Variants in MUSK observed in about 807,000 individuals in gnomAD.
MUSK encodes muscle, skeletal receptor tyrosine-protein kinase.
Under a neutral mutation model 88.7 loss-of-function variants are expected in MUSK, and 55 were observed. That is an observed-to-expected ratio of 0.62 (90% CI 0.50 to 0.78). The LOEUF (loss-of-function observed/expected upper bound fraction) is 0.78. Ranked by LOEUF, MUSK falls within the 30% of genes least tolerant of loss-of-function variation. The probability of loss-of-function intolerance (pLI) is 0.00; values close to 1 mark genes in which losing one functional copy is unlikely to be tolerated. For missense variants in MUSK, 1,015 were observed against 1,074.3 expected (o/e 0.94, Z 0.77); for synonymous variants, 387 against 391.9 (o/e 0.99, Z 0.15).
At chr9:110,770,446 TATTA>T (rs965566663) in intron 9 of MUSK, among the ~76,000 whole-genome samples, 10 of 146,558 alleles carry the variant, frequency 6.8e-5, no homozygotes, top group African/African-American at 2.5e-4. Context: ...TACAATTATA[TATTA>T]ATTATATAAC....
chr9:110,761,868 C>G (rs2077407134), intron 7 of MUSK: 3 of 983,746 alleles, frequency 3.0e-6, no homozygotes, highest in Non-Finnish European at 3.6e-6. Flanking sequence ...GCCACCGCGC[C>G]CGGCCCACAT....
At chr9:110,688,451 A>C (rs113555292) in intron 3 of MUSK, among the ~76,000 whole-genome samples, 3,496 of 151,960 alleles carry the variant, frequency 0.023, 147 homozygotes, top group African/African-American at 0.08. Context: ...AGGTAGTTTC[A>C]TTTTATTTTT....
intron 1 of MUSK, among the ~76,000 whole-genome samples, chr9:110,676,368 T>TAATATATAATATATAATATATAATATATA (rs2076030499): frequency 6.7e-6 from 1 of 149,934 alleles, no homozygotes; most frequent in Non-Finnish European, 1.5e-5. Context: ...ATATATTATA[T>TAATATATAATATATAATATATAATATATA]ATGTGTGTGT....
intron 1 of MUSK, among the ~76,000 whole-genome samples, chr9:110,676,363 T>TA (rs1564206272): frequency 2.7e-5 from 4 of 148,906 alleles, no homozygotes; most frequent in African/African-American, 1.0e-4. Context: ...ATATTATATA[T>TA]TATATATGTG....
chr9:110,727,863 A>G (rs10121920), intron 5 of MUSK, among the ~76,000 whole-genome samples: 134,289 of 152,126 alleles, frequency 0.88, 59,667 homozygotes, highest in African/African-American at 0.94. Context: ...TGCAGTTGAC[A>G]TATTACTAAC....
At chr9:110,790,215 A>G (rs906502991) in intron 14 of MUSK, among the ~76,000 whole-genome samples, 2 of 152,228 alleles carry the variant, frequency 1.3e-5, no homozygotes, top group Non-Finnish European at 2.9e-5. Context: ...GAATTTGTAA[A>G]CATGGATGTT....
At position 110,763,261 on chromosome 9, in the gene MUSK, G is replaced by A. The variant is rs1214539352; in HGVS notation, c.920+1053G>A. Among the ~76,000 whole-genome samples the A allele has an allele frequency of 5.9e-5, 9 of 152,122 alleles. No individual in the cohort carries two copies. The East Asian group carries it at 1.7e-3, about 29-fold the overall frequency. On this transcript the variant is annotated intron_variant, in intron 8 of 14. Transcript: ENST00000374448. Reference sequence around the variant, plus strand: ...GGATAGTGATTTGTCATAATTGACTGCATTCCAGTTTGTTAATGTGGTATC... The same window carrying A: ...GGATAGTGATTTGTCATAATTGACTACATTCCAGTTTGTTAATGTGGTATC...
chr9:110,719,921 A>G (rs540465854), intron 5 of MUSK, among the ~76,000 whole-genome samples: 5 of 152,110 alleles, frequency 3.3e-5, no homozygotes, highest in Non-Finnish European at 7.4e-5. Flanking sequence ...TAAAACTGGA[A>G]ATCAACTCCA....
chr9:110,678,423 T>C (rs1418647461), intron 1 of MUSK, among the ~76,000 whole-genome samples: 1 of 152,136 alleles, frequency 6.6e-6, no homozygotes, highest in Admixed American at 6.6e-5. Flanking sequence ...AGATTACAGG[T>C]ATGAGCCACT....
At chr9:110,747,176 T>C (rs1425760575) in intron 6 of MUSK, among the ~76,000 whole-genome samples, 1 of 152,200 alleles carries the variant, frequency 6.6e-6, no homozygotes, top group Admixed American at 6.5e-5. Flanking sequence ...GCTGGTCAAG[T>C]TCCTGTGATC....
Position 110,804,736 on chromosome 9 carries a change from T to C in MUSK, c.*3748T>C, listed in dbSNP as rs1245454089. On this transcript the variant is annotated 3_prime_UTR_variant, in exon 15 of 15. Transcript: ENST00000374448. ...ATATTATGTTTGAAAAGAAAAATAA[T>C]ATGCAATAATATACAATAATATGTA... 1.3e-5 allele frequency among the ~76,000 whole-genome samples: 2 copies of C among 151,842 alleles called. No individual in the cohort carries two copies. Among genetic ancestry groups the C allele is most frequent in the East Asian group, 1.9e-4 (1 of 5,204 alleles).
At chr9:110,720,709 A>G (rs2076800532) in intron 5 of MUSK, among the ~76,000 whole-genome samples, 1 of 152,146 alleles carries the variant, frequency 6.6e-6, no homozygotes. Context: ...TCCACAAGAT[A>G]GACAAAGAGG....
At chr9:110,669,524 G>T (rs77270825) in intron 1 of MUSK, among the ~76,000 whole-genome samples, 1 of 152,150 alleles carries the variant, frequency 6.6e-6, no homozygotes, top group African/African-American at 2.4e-5. Context: ...GAAGACAATG[G>T]ATTTTAAATA....
At chr9:110,769,442 G>C (rs2131962190) in intron 9 of MUSK, among the ~76,000 whole-genome samples, 1 of 151,968 alleles carries the variant, frequency 6.6e-6, no homozygotes, top group East Asian at 1.9e-4. Flanking sequence ...AGCATTGACA[G>C]AATAAGAAGG....
At chr9:110,750,767 A>G (rs1940250) in intron 7 of MUSK, among the ~76,000 whole-genome samples, 55,930 of 151,968 alleles carry the variant, frequency 0.37, 10,968 homozygotes, top group African/African-American at 0.46. Flanking sequence ...TCCATGTTGG[A>G]GTAAGGGATC....
intron 6 of MUSK, among the ~76,000 whole-genome samples, chr9:110,743,601 T>A (rs2077131325): frequency 6.6e-6 from 1 of 152,214 alleles, no homozygotes; most frequent in Non-Finnish European, 1.5e-5. Context: ...TTTAACTTGT[T>A]AGAAGAATTT....
At chr9:110,754,783 A>T (rs1465031573) in intron 7 of MUSK, among the ~76,000 whole-genome samples, 1 of 152,240 alleles carries the variant, frequency 6.6e-6, no homozygotes, top group South Asian at 2.1e-4. Flanking sequence ...GTATAATGGC[A>T]GAACTGCCAT....
intron 10 of MUSK, among the ~76,000 whole-genome samples, 160 bp from the exon 11 acceptor site, chr9:110,776,472 C>T (rs1034122294): frequency 1.3e-5 from 2 of 152,152 alleles, no homozygotes; most frequent in South Asian, 4.1e-4. Context: ...GGTTTAATTT[C>T]AAAGACCCAA....
chr9:110,710,130 G>A (rs552802676), intron 5 of MUSK, among the ~76,000 whole-genome samples: 1 of 152,300 alleles, frequency 6.6e-6, no homozygotes, highest in South Asian at 2.1e-4. Flanking sequence ...CCTAGTCTAG[G>A]ACATGTTCCA....
Sources: gnomAD v4.1 joint callset for allele counts (sites outside exome capture counted in the v4.1 genomes callset) on GRCh38, gnomAD v4.1.1 for gene constraint, MANE v1.5 for transcripts, NCBI Gene and HGNC (gene_info 2026-07-23, HGNC 2026-07-21) for gene names.